The following LIAS variants were observed in gnomAD, a reference collection of about 807,000 sequenced individuals.
LIAS encodes lipoic acid synthetase, also known as lipoyl synthase, mitochondrial.
Under a neutral mutation model 49.4 loss-of-function variants are expected in LIAS, and 36 were observed. The observed-to-expected ratio is 0.73, with a 90% CI of 0.56 to 0.96. LIAS has a LOEUF of 0.96. Among genes scored for constraint, LIAS ranks in the 40% least tolerant of loss-of-function variants. The probability of loss-of-function intolerance (pLI) is 0.00; values close to 1 mark genes in which losing one functional copy is unlikely to be tolerated. For missense variants in LIAS, 399 were observed against 456.3 expected, an observed-to-expected ratio of 0.87 and a Z score of 1.14; for synonymous variants, 145 against 155.8, an observed-to-expected ratio of 0.93 and a Z score of 0.52.
chr4:39,472,144 C>T (rs200493399), intron 9 of LIAS, among the ~76,000 whole-genome samples: 8 of 140,590 alleles, frequency 5.7e-5, no homozygotes, highest in East Asian at 2.1e-4. Flanking sequence ...CACACACACA[C>T]ACATATATAC....
chr4:39,468,520 T>TAG, intron 7 of LIAS: 1 of 140,368 alleles, frequency 7.1e-6, no homozygotes, highest in South Asian at 2.2e-4. Context: ...TATATATATA[T>TAG]ATTTTTTTAT....
In LIAS at chr4:39,465,077, G is replaced by A. The variant is rs760870251; in HGVS notation, c.425G>A (p.Arg142Lys). ...GGTGACACATGTACAAGAGGTTGCAGATTTTGTTCTGTTAAGACTGCAAGA... is the reference window on the plus strand; with the variant it reads ...GGTGACACATGTACAAGAGGTTGCAAATTTTGTTCTGTTAAGACTGCAAGA... ...LMGDTCTRGC[R>K]FCSVKTARNP... The change falls in exon 5 of 11, where the codon AGA becomes AAA. Residue 142 changes from arginine (R) to lysine (K), a missense_variant. Arg to Lys is a conservative substitution (Grantham distance 26). This residue lies in a region of LIAS where 234 missense variants were observed against 292.2 expected (regional missense o/e 0.80). Transcript: ENST00000640888. 5 of 1,613,998 alleles carry A rather than the reference G, an allele frequency of 3.1e-6. No homozygotes were observed.
chr4:39,471,713 A>G (rs1343545642), intron 9 of LIAS, among the ~76,000 whole-genome samples: 1 of 151,412 alleles, frequency 6.6e-6, no homozygotes, highest in Non-Finnish European at 1.5e-5. Context: ...AGTTTTAGAG[A>G]CAAGATTTTG....
intron 1 of LIAS, among the ~76,000 whole-genome samples, chr4:39,460,389 C>G (rs1172219642): frequency 6.6e-6 from 1 of 152,018 alleles, no homozygotes; most frequent in East Asian, 1.9e-4. Flanking sequence ...AAAAAATTAG[C>G]CGGGCGTGGT....
rs1467796001 is a variant in LIAS at position 39,467,591 on chromosome 4, C to T, written c.682C>T (p.Leu228=). ...TCTCAAAGCAATAGAAAAAGTTGCT[C>T]TGTCAGGATTAGATGTGTATGCACA... ...GDLKAIEKVA[L]SGLDVYAHNV... The change falls in exon 7 of 11, where the codon CTG becomes TTG. Residue 228 remains leucine (L), a synonymous_variant. Transcript: ENST00000640888. 3 of 1,607,490 alleles carry T rather than the reference C, an allele frequency of 1.9e-6. No individual in the cohort carries two copies. In the South Asian group the frequency reaches 3.3e-5, roughly 18 times the overall value.
At chr4:39,467,289 G>C (rs947486549) in intron 6 of LIAS, 4 of 261,712 alleles carry the variant, frequency 1.5e-5, no homozygotes, top group Non-Finnish European at 2.8e-5. Context: ...ATTTTATTCA[G>C]TTTGCCTACA....
chr4:39,474,697 G>A (rs954880963), intron 10 of LIAS, among the ~76,000 whole-genome samples: 6 of 151,722 alleles, frequency 4.0e-5, no homozygotes, highest in African/African-American at 9.7e-5. Flanking sequence ...TCAGGTTCAC[G>A]GCATTCTCCT....
At chr4:39,472,146 C>CACAT (rs1553934935) in intron 9 of LIAS, among the ~76,000 whole-genome samples, 5 of 150,572 alleles carry the variant, frequency 3.3e-5, no homozygotes, top group South Asian at 2.1e-4. Context: ...CACACACACA[C>CACAT]ATATATACAC....
intron 9 of LIAS, among the ~76,000 whole-genome samples, chr4:39,471,956 G>A (rs1012418139): frequency 6.6e-6 from 1 of 152,022 alleles, no homozygotes; most frequent in Admixed American, 6.6e-5. Context: ...GAGCCACTGC[G>A]CCCAGCCCAT....
At chr4:39,460,034 G>A (rs927499954) in intron 1 of LIAS, among the ~76,000 whole-genome samples, 5 of 152,116 alleles carry the variant, frequency 3.3e-5, no homozygotes, top group Non-Finnish European at 7.4e-5. Context: ...AACTAATTGG[G>A]CATTATTAAC....
chr4:39,468,460 A>G (rs1233537396), intron 7 of LIAS: 3 of 149,140 alleles, frequency 2.0e-5, no homozygotes, highest in Non-Finnish European at 3.0e-5. Flanking sequence ...CAGCTTGGGC[A>G]AAAAGAGCGA....
intron 7 of LIAS, 94 bp from the exon 8 acceptor site, chr4:39,469,925 A>G (rs1744916494): frequency 8.9e-7 from 1 of 1,119,300 alleles, no homozygotes; most frequent in Non-Finnish European, 1.3e-6. Flanking sequence ...GATAATGTGC[A>G]GAATGTACTT....
chr4:39,473,851 A>G (rs1002679063), intron 10 of LIAS: 1 of 152,254 alleles, frequency 6.6e-6, no homozygotes, highest in African/African-American at 2.4e-5. Context: ...TCCAAGGGAT[A>G]AAAAGTCATG....
intron 1 of LIAS, among the ~76,000 whole-genome samples, chr4:39,460,153 C>G (rs1037747541): frequency 2.6e-5 from 4 of 152,190 alleles, no homozygotes; most frequent in Admixed American, 2.6e-4. Flanking sequence ...GCACCTTCTT[C>G]AGTTATTGCA....
intron 6 of LIAS, 77 bp downstream of exon 6, chr4:39,465,419 A>G: frequency 1.7e-6 from 2 of 1,203,598 alleles, no homozygotes; most frequent in Non-Finnish European, 1.2e-6. Context: ...ATTACCTTGA[A>G]ACAGGGATTA....
At position 39,463,507 on chromosome 4, in the gene LIAS, A is replaced by G; in HGVS notation, c.313-18A>G. 3 of 1,578,746 alleles carry G rather than the reference A, an allele frequency of 1.9e-6. No individual in the cohort carries two copies. Among genetic ancestry groups the G allele is most frequent in the Non-Finnish European group, 2.6e-6 (3 of 1,157,940 alleles). ...GATATTGTCAACCTAATGGTGTTCCATTTCCTTTTGCATACAGGTATGTGA... is the reference window on the plus strand; with the variant it reads ...GATATTGTCAACCTAATGGTGTTCCGTTTCCTTTTGCATACAGGTATGTGA... On this transcript the variant is annotated intron_variant, in intron 3 of 10. Transcript: ENST00000640888.
rs1028624548 is a variant in LIAS, at chr4:39,471,236, C to T, written c.884C>T (p.Ala295Val). The T allele has an allele frequency of 1.9e-6, 3 of 1,608,272 alleles. No homozygotes were observed. Among genetic ancestry groups the T allele is most frequent in the African/African-American group, 2.7e-5 (2 of 74,730 alleles). Reference protein sequence around the residue: ...NDEQVYATMKALREADVDCLT... With the variant: ...NDEQVYATMKVLREADVDCLT... The stretch of plus-strand genomic sequence containing the variant: ...GTAATTTGTGCTTTTCTTCCTACAG[C>T]ACTTCGTGAGGCAGATGTAGACTGC... The change falls in exon 9 of 11, where the codon GCA becomes GTA. Residue 295 changes from alanine to valine, a missense_variant and splice_region_variant. By Grantham distance (64) the Ala-to-Val change is moderately conservative. Coordinates refer to ENST00000640888, the MANE Select transcript of LIAS (RefSeq NM_006859.4).
chr4:39,467,641 A>G lies in LIAS; in HGVS notation c.732A>G (p.Leu244=). ...ATAATGTAGAAACAGTCCCGGAATT[A>G]CAGAGGTGAATACGTGTACAAAGTA... is the stretch of plus-strand genomic sequence containing the variant. The part of the protein sequence containing the change: ...YAHNVETVPE[L]QSKVRDPRAN... Residue 244 remains leucine, a synonymous_variant, in exon 7 of 11, where the codon TTA becomes TTG. Transcript: ENST00000640888. 9 of 1,578,620 alleles carry G rather than the reference A, an allele frequency of 5.7e-6. No homozygotes were observed. Among genetic ancestry groups the G allele is most frequent in the Non-Finnish European group, 7.8e-6 (9 of 1,160,934 alleles).
intron 9 of LIAS, 89 bp downstream of exon 9, chr4:39,471,395 A>G (rs1242287350): frequency 8.4e-6 from 8 of 949,178 alleles, no homozygotes; most frequent in Non-Finnish European, 1.6e-6. Flanking sequence ...GTGTAGTGGC[A>G]CAATCTCGGC....
Sources: gnomAD v4.1 joint callset for allele counts (sites outside exome capture counted in the v4.1 genomes callset) on GRCh38, gnomAD v4.1.1 for gene constraint, gnomAD v4.1.1 regional missense constraint, MANE v1.5 for transcripts, NCBI Gene and HGNC (gene_info 2026-07-23, HGNC 2026-07-21) for gene names.